The following PNISR variants were observed in gnomAD, a reference collection of about 807,000 sequenced individuals.
The protein encoded by PNISR is arginine/serine-rich protein PNISR.
A neutral mutation model predicts 93.4 loss-of-function variants in PNISR; 20 were observed. The ratio of observed to expected loss-of-function variants is 0.21; its 90% CI spans 0.15 to 0.31. PNISR has a LOEUF of 0.31. PNISR is among the 10% of genes least tolerant of loss of function. PNISR has a pLI of 1.00. For synonymous variants in PNISR, 305 were observed against 306.5 expected (o/e 0.99, Z 0.05); for missense variants, 893 against 985.4 (o/e 0.91, Z 1.25).
intron 1 of PNISR, among the ~76,000 whole-genome samples, chr6:99,424,322 T>C (rs1779117877): frequency 6.6e-6 from 1 of 152,086 alleles, no homozygotes; most frequent in South Asian, 2.1e-4. Flanking sequence ...CATCTATTAA[T>C]AAGAAGATAA....
At position 99,414,676 on chromosome 6, in the gene PNISR, T is replaced by C. The variant is rs1777427941; in HGVS notation, c.-17A>G. 1.3e-6 allele frequency: 2 copies of C among 1,524,950 alleles called. No individual in the cohort carries two copies. The highest frequency in any genetic ancestry group is 3.6e-5 in the Admixed American group (2 of 55,244). The allele number at this position is 1,524,950 out of a possible 1,614,324, so 94.5% of individuals were successfully genotyped here. On this transcript the variant is annotated 5_prime_UTR_variant, in exon 3 of 12. Coordinates refer to ENST00000369239, the MANE Select transcript of PNISR (RefSeq NM_032870.4). ...ATCCCACATCCCTTCTTTTAAAATATACTTGATTTTCTATCTTCAATAAAT... is the reference window on the plus strand; with the variant it reads ...ATCCCACATCCCTTCTTTTAAAATACACTTGATTTTCTATCTTCAATAAAT...
Position 99,399,679 on chromosome 6 carries a change from A to T in PNISR, c.*861T>A, listed in dbSNP as rs1172224269. ...CACACGTTATACACACAGAGAATAT[A>T]TTACTTGAAAATCCCCAAAATAGGA... On this transcript the variant is annotated 3_prime_UTR_variant, in exon 12 of 12. Coordinates refer to ENST00000369239, the MANE Select transcript of PNISR (RefSeq NM_032870.4). 6.6e-6 allele frequency: 1 copy of T among 152,176 alleles called. No individual in the cohort carries two copies. Among genetic ancestry groups the T allele is most frequent in the Non-Finnish European group, 1.5e-5 (1 of 68,012 alleles). 9.4% of individuals were successfully genotyped at this position (152,176 alleles called of 1,614,324 possible).
At chr6:99,422,901 T>TAAA (rs1778788818) in intron 1 of PNISR, among the ~76,000 whole-genome samples, 1 of 95,926 alleles carries the variant, frequency 1.0e-5, no homozygotes, top group African/African-American at 3.8e-5. Context: ...AAAAAAAAAC[T>TAAA]GGAGAATTGG....
At chr6:99,412,069 C>T (rs531807227) in intron 4 of PNISR, 2 of 307,696 alleles carry the variant, frequency 6.5e-6, no homozygotes, top group African/African-American at 4.4e-5. Context: ...CACACAAAAA[C>T]TTATGAAAGA....
Position 99,416,367 on chromosome 6 carries a change from G to A in PNISR, c.-50C>T. 1.7e-6 allele frequency: 2 copies of A among 1,199,166 alleles called. No homozygotes were observed. Among genetic ancestry groups the A allele is most frequent in the East Asian group, 6.4e-5 (2 of 31,488 alleles). 74.3% of individuals were successfully genotyped at this position (1,199,166 alleles called of 1,614,324 possible). A position where few individuals can be genotyped will look rare whatever the true frequency, so the allele number is the denominator to read the frequency against. Reference sequence around the variant, plus strand: ...AACTGACCTCAGAGGTTCACCTTCTGTTTAAAACTTAGGTTGATTCAGACT... The same window carrying A: ...AACTGACCTCAGAGGTTCACCTTCTATTTAAAACTTAGGTTGATTCAGACT... On this transcript the variant is annotated 5_prime_UTR_variant, in exon 2 of 12. Coordinates refer to ENST00000369239, the MANE Select transcript of PNISR (RefSeq NM_032870.4).
At chr6:99,421,400 T>C (rs558472745) in intron 1 of PNISR, among the ~76,000 whole-genome samples, 1 of 152,366 alleles carries the variant, frequency 6.6e-6, no homozygotes, top group Non-Finnish European at 1.5e-5. Context: ...TATCAAGTGA[T>C]ACTTGTGAGT....
Position 99,416,409 on chromosome 6 carries a change from G to C in PNISR, c.-92C>G. 8.3e-7 allele frequency: 1 copy of C among 1,211,876 alleles called. No homozygotes were observed. The highest frequency in any genetic ancestry group is 1.0e-6 in the Non-Finnish European group (1 of 969,940). 75.1% of individuals were successfully genotyped at this position (1,211,876 alleles called of 1,614,324 possible). On this transcript the variant is annotated 5_prime_UTR_variant, in exon 2 of 12. Transcript: ENST00000369239. ...ATTCAGACTACAGCTTCGAAGCATA[G>C]CAGCAAGATTATGTATGCCCTAGGG... is the stretch of plus-strand genomic sequence containing the variant.
rs187607503 is a variant in PNISR, at chr6:99,403,561, A to T, written c.1156+268T>A. On this transcript the variant is annotated intron_variant, in intron 10 of 11. Transcript: ENST00000369239. ...GTTCATATATAATTATATATATATA[A>T]AATGCATATATTGGAGCAATAAGGA... The T allele has an allele frequency of 2.6e-3, 569 of 216,250 alleles. 5 individuals carry two copies. Among genetic ancestry groups the T allele is most frequent in the African/African-American group, 0.011 (483 of 43,558 alleles). The allele number at this position is 216,250 out of a possible 1,614,324, so 13.4% of individuals were successfully genotyped here.
chr6:99,425,186 C>T (rs1405431166), intron 1 of PNISR, 29 bp downstream of exon 1: 16 of 1,223,542 alleles, frequency 1.3e-5, no homozygotes, highest in Non-Finnish European at 1.5e-5. Context: ...CCGGCAAGTG[C>T]CCACGTATAA....
In PNISR at chr6:99,413,446, G is replaced by GATCC. The variant is rs201303906; in HGVS notation, c.89-711_89-708dup. Among the ~76,000 whole-genome samples, 118 of 149,484 alleles carry GATCC rather than the reference G, an allele frequency of 7.9e-4. 1 individual carries two copies. In the East Asian group the frequency reaches 0.021, roughly 26 times the overall value. On this transcript the variant is annotated intron_variant, in intron 3 of 11. Transcript: ENST00000369239. ...TCCATCCATCCATCCATTCATCCAT[G>GATCC]ATCCATCCATCCATCCATGTAGAGT...
At chr6:99,415,491 G>A (rs1777560964) in intron 2 of PNISR, 2 of 152,142 alleles carry the variant, frequency 1.3e-5, no homozygotes, top group Non-Finnish European at 2.9e-5. Flanking sequence ...GATGGTATGG[G>A]GGGGAATCAT....
At chr6:99,424,397 G>A (rs1031307509) in intron 1 of PNISR, among the ~76,000 whole-genome samples, 9 of 147,248 alleles carry the variant, frequency 6.1e-5, no homozygotes, top group Non-Finnish European at 1.2e-4. Context: ...AAAACATAAA[G>A]TCTATTAGTA....
chr6:99,402,509 A>C (rs752303965), intron 11 of PNISR, 31 bp downstream of exon 11: 13 of 1,465,162 alleles, frequency 8.9e-6, no homozygotes, highest in Admixed American at 2.1e-5. Flanking sequence ...ACAAAACTGG[A>C]CCAAAATTAA....
At chr6:99,410,082 A>C (rs1032988544) in intron 5 of PNISR, 1 of 152,246 alleles carries the variant, frequency 6.6e-6, no homozygotes, top group Non-Finnish European at 1.5e-5. Flanking sequence ...CAAAATTTTA[A>C]ATTATGATAG....
chr6:99,403,838 T>G lies in PNISR; in HGVS notation c.1147A>C (p.Thr383Pro). The change falls in exon 10 of 12, where the codon ACT becomes CCT. Residue 383 changes from threonine to proline, a missense_variant. Transcript: ENST00000369239. Reference sequence around the variant, plus strand: ...TATGGAAAACACTTACCGAGTCCAGTGAGGGAAGCCAGTGCACTGGACTGT... The same window carrying G: ...TATGGAAAACACTTACCGAGTCCAGGGAGGGAAGCCAGTGCACTGGACTGT... ...LAQSSALASL[T>P]GLGGLGGYGS... 6.2e-7 allele frequency: 1 copy of G among 1,613,006 alleles called. No homozygotes were observed. The highest frequency in any genetic ancestry group is 8.5e-7 in the Non-Finnish European group (1 of 1,179,202).
rs954322376 is a variant in PNISR, at chr6:99,400,267, T to C, written c.*273A>G. 2.7e-5 allele frequency: 24 copies of C among 900,370 alleles called. No individual in the cohort carries two copies. Among genetic ancestry groups the C allele is most frequent in the Admixed American group, 5.4e-5 (1 of 18,454 alleles). The allele number at this position is 900,370 out of a possible 1,614,324, so 55.8% of individuals were successfully genotyped here. ...TTTTTAAAGAACATCATGGCATTCT[T>C]GCCACATCATTCCTCAGCGTTTACG... is the stretch of plus-strand genomic sequence containing the variant. On this transcript the variant is annotated 3_prime_UTR_variant, in exon 12 of 12. Transcript: ENST00000369239.
intron 1 of PNISR, among the ~76,000 whole-genome samples, chr6:99,417,014 CTG>C (rs1238214539): frequency 6.6e-6 from 1 of 152,154 alleles, no homozygotes; most frequent in Non-Finnish European, 1.5e-5. Context: ...CTATTACTTT[CTG>C]TTTAAAGGCT....
At position 99,404,011 on chromosome 6, in the gene PNISR, CAT is replaced by C; in HGVS notation, c.1103-131_1103-130del. ...TTGGGGAGAGAAGAAACATTAAAAACATAACATTCATTTTAAACCAGTATCAT... is the reference window on the plus strand; with the variant it reads ...TTGGGGAGAGAAGAAACATTAAAAACAACATTCATTTTAAACCAGTATCAT... On this transcript the variant is annotated intron_variant, in intron 9 of 11. Transcript: ENST00000369239. 9.6e-6 allele frequency: 6 copies of C among 624,176 alleles called. No homozygotes were observed. In the South Asian group the frequency reaches 1.2e-4, roughly 13 times the overall value. The allele number at this position is 624,176 out of a possible 1,614,324, so 38.7% of individuals were successfully genotyped here.
At chr6:99,417,720 C>T (rs1388885385) in intron 1 of PNISR, among the ~76,000 whole-genome samples, 7 of 152,190 alleles carry the variant, frequency 4.6e-5, no homozygotes, top group East Asian at 1.9e-4. Flanking sequence ...AATCCCAGCA[C>T]TTTGGGAGGC....
Sources: gnomAD v4.1 joint callset for allele counts (sites outside exome capture counted in the v4.1 genomes callset) on GRCh38, gnomAD v4.1.1 for gene constraint, MANE v1.5 for transcripts, NCBI Gene and HGNC (gene_info 2026-07-23, HGNC 2026-07-21) for gene names.